The following PLCB1 variants were observed in gnomAD, a reference collection of about 807,000 sequenced individuals.
PLCB1 encodes phospholipase C beta 1.
Under a neutral mutation model 161.8 loss-of-function variants are expected in PLCB1, and 46 were observed. That is an observed-to-expected ratio of 0.28 (90% CI 0.22 to 0.36). The LOEUF (loss-of-function observed/expected upper bound fraction) is 0.36. Ranked by LOEUF, PLCB1 falls within the 10% of genes least tolerant of loss-of-function variation. The probability of loss-of-function intolerance (pLI) is 1.00; values close to 1 mark genes in which losing one functional copy is unlikely to be tolerated. For synonymous variants in PLCB1, 517 were observed against 503.7 expected (o/e 1.03, Z -0.35); for missense variants, 1,016 against 1,472.5 (o/e 0.69, Z 5.07).
rs186040239 is a variant in PLCB1 at position 8,522,562 on chromosome 20, C to T, written c.247-105732C>T. On this transcript the variant is annotated intron_variant, in intron 3 of 31. Coordinates refer to ENST00000338037, the MANE Select transcript of PLCB1 (RefSeq NM_015192.4). ...AGAATGCAACGCCCTTTTCTTGGAA[C>T]CCAGAAAAGACAAATTAAGGAAAAT... 2.4e-4 allele frequency among the ~76,000 whole-genome samples: 36 copies of T among 152,120 alleles called. No individual in the cohort carries two copies. In the East Asian group the frequency reaches 6.6e-3, roughly 28 times the overall value.
intron 3 of PLCB1, among the ~76,000 whole-genome samples, chr20:8,622,049 A>G (rs1988199007): frequency 6.7e-6 from 1 of 150,240 alleles, no homozygotes; most frequent in South Asian, 2.1e-4. Context: ...CGAGGTCAAG[A>G]GATGGAGACC....
intron 4 of PLCB1, among the ~76,000 whole-genome samples, chr20:8,643,047 G>A (rs1157460612): frequency 3.3e-5 from 5 of 152,150 alleles, no homozygotes; most frequent in South Asian, 2.1e-4. Flanking sequence ...CTTCTGTGTC[G>A]GCATAAAGCT....
chr20:8,176,170 G>A (rs1389896873), intron 2 of PLCB1, among the ~76,000 whole-genome samples: 2 of 152,136 alleles, frequency 1.3e-5, no homozygotes, highest in Non-Finnish European at 2.9e-5. Context: ...TTAAAAGTAT[G>A]TTCACACAAA....
intron 3 of PLCB1, among the ~76,000 whole-genome samples, chr20:8,580,829 C>T (rs6118256): frequency 6.6e-6 from 1 of 152,182 alleles, no homozygotes; most frequent in Non-Finnish European, 1.5e-5. Context: ...CAAGGTGGGC[C>T]TTCAAGGATG....
At chr20:8,794,923 A>C (rs116188398) in intron 31 of PLCB1, among the ~76,000 whole-genome samples, 2,389 of 152,352 alleles carry the variant, frequency 0.016, 51 homozygotes, top group African/African-American at 0.049. Flanking sequence ...AATTTAGAGC[A>C]AACTACACAT....
chr20:8,711,853 T>C (rs1979035684), intron 12 of PLCB1, among the ~76,000 whole-genome samples: 1 of 152,156 alleles, frequency 6.6e-6, no homozygotes, highest in Non-Finnish European at 1.5e-5. Context: ...CTCAACACAG[T>C]GACCTCAGAC....
At chr20:8,876,346 G>GACA (rs1341704446) in intron 31 of PLCB1, among the ~76,000 whole-genome samples, 1 of 152,106 alleles carries the variant, frequency 6.6e-6, no homozygotes, top group Non-Finnish European at 1.5e-5. Flanking sequence ...ACTCAAGTTT[G>GACA]ACAATGTTAT....
chr20:8,556,780 A>G (rs902039387), intron 3 of PLCB1, among the ~76,000 whole-genome samples: 1 of 151,898 alleles, frequency 6.6e-6, no homozygotes, highest in Non-Finnish European at 1.5e-5. Context: ...CAGAGTCCAT[A>G]CAACAAAATA....
chr20:8,587,399 T>C (rs1987023235), intron 3 of PLCB1, among the ~76,000 whole-genome samples: 1 of 152,142 alleles, frequency 6.6e-6, no homozygotes, highest in Non-Finnish European at 1.5e-5. Flanking sequence ...GACTCTTGCT[T>C]TCTTTATGTA....
chr20:8,542,161 G>A (rs1985359502), intron 3 of PLCB1, among the ~76,000 whole-genome samples: 1 of 152,122 alleles, frequency 6.6e-6, no homozygotes, highest in Admixed American at 6.5e-5. Flanking sequence ...GAAGTGAGTG[G>A]TCCCTGAAGT....
intron 2 of PLCB1, among the ~76,000 whole-genome samples, chr20:8,360,025 C>T (rs1986486506): frequency 6.6e-6 from 1 of 152,176 alleles, no homozygotes; most frequent in African/African-American, 2.4e-5. Flanking sequence ...TTCCAGGAGA[C>T]ATCAGTAAGA....
At chr20:8,224,327 A>C (rs1049418244) in intron 2 of PLCB1, among the ~76,000 whole-genome samples, 1 of 152,178 alleles carries the variant, frequency 6.6e-6, no homozygotes, top group African/African-American at 2.4e-5. Context: ...TTCAGCACCC[A>C]CAGGGTTTTT....
chr20:8,491,430 C>G (rs1275340006), intron 3 of PLCB1, among the ~76,000 whole-genome samples: 1 of 152,116 alleles, frequency 6.6e-6, no homozygotes, highest in Non-Finnish European at 1.5e-5. Flanking sequence ...CTCTCCCCCT[C>G]TTTCAAGGAC....
At chr20:8,245,793 G>A (rs566893742) in intron 2 of PLCB1, among the ~76,000 whole-genome samples, 5 of 151,962 alleles carry the variant, frequency 3.3e-5, no homozygotes, top group Non-Finnish European at 5.9e-5. Context: ...AGTACTTGCT[G>A]TAGGTGAGGC....
chr20:8,771,650 T>G (rs1982684063), intron 26 of PLCB1, among the ~76,000 whole-genome samples: 1 of 152,074 alleles, frequency 6.6e-6, no homozygotes, highest in Admixed American at 6.6e-5. Context: ...GTTCACTTGT[T>G]TTTTTCTTGT....
chr20:8,299,174 A>T (rs78105239), intron 2 of PLCB1, among the ~76,000 whole-genome samples: 2,865 of 152,206 alleles, frequency 0.019, 144 homozygotes, highest in East Asian at 0.11. Context: ...TTCTTGCTGG[A>T]GTGGCCCCAT....
intron 3 of PLCB1, among the ~76,000 whole-genome samples, chr20:8,496,329 C>CAAA (rs71331309): frequency 2.2e-4 from 20 of 91,974 alleles, no homozygotes; most frequent in African/African-American, 7.4e-4. Context: ...CCCATCTCTG[C>CAAA]AAAAAAAAAA....
At chr20:8,738,953 C>T (rs138172598) in intron 20 of PLCB1, among the ~76,000 whole-genome samples, 425 of 152,266 alleles carry the variant, frequency 2.8e-3, no homozygotes, top group African/African-American at 9.1e-3. Context: ...AGTTCGAGAC[C>T]AGCCTGACCA....
At chr20:8,141,297 G>A (rs1219629311) in intron 1 of PLCB1, among the ~76,000 whole-genome samples, 1 of 152,120 alleles carries the variant, frequency 6.6e-6, no homozygotes, top group African/African-American at 2.4e-5. Context: ...TGCAAGATGT[G>A]TGAGCATTGG....
Sources: allele counts gnomAD v4.1 joint callset (sites outside exome capture counted in the v4.1 genomes callset), GRCh38; gene constraint gnomAD v4.1.1; transcripts MANE v1.5; gene names NCBI Gene and HGNC (gene_info 2026-07-23, HGNC 2026-07-21).